ARHGAP15: variants seen among roughly 807,000 people sequenced by gnomAD.
ARHGAP15 encodes the protein rho GTPase-activating protein 15.
A neutral mutation model predicts 63.7 loss-of-function variants in ARHGAP15; 51 were observed. The observed-to-expected ratio is 0.80, with a 90% CI of 0.64 to 1.01. ARHGAP15 has a LOEUF of 1.01. Ranked by LOEUF, ARHGAP15 falls within the 50% of genes least tolerant of loss-of-function variation. The probability of loss-of-function intolerance (pLI) is 0.00; values close to 1 mark genes in which losing one functional copy is unlikely to be tolerated. For synonymous variants in ARHGAP15, 191 were observed against 193.8 expected, an observed-to-expected ratio of 0.99 and a Z score of 0.12; for missense variants, 560 against 564.6, an observed-to-expected ratio of 0.99 and a Z score of 0.08.
intron 6 of ARHGAP15, among the ~76,000 whole-genome samples, chr2:143,283,588 T>C (rs965018220): frequency 2.0e-5 from 3 of 152,226 alleles, no homozygotes; most frequent in Non-Finnish European, 4.4e-5. Flanking sequence ...AGAGCCCAGA[T>C]GGGCTTTGCA....
intron 2 of ARHGAP15, among the ~76,000 whole-genome samples, chr2:143,194,748 G>A (rs1404003376): frequency 6.6e-6 from 1 of 152,084 alleles, no homozygotes; most frequent in Non-Finnish European, 1.5e-5. Flanking sequence ...AAAAAACATA[G>A]GGGAAAGCTA....
intron 13 of ARHGAP15, among the ~76,000 whole-genome samples, chr2:143,717,472 G>A (rs1684858599): frequency 6.6e-6 from 1 of 152,166 alleles, no homozygotes; most frequent in African/African-American, 2.4e-5. Context: ...TGCCTGTCAA[G>A]CTCCTTTCCA....
chr2:143,701,593 T>G (rs1484374660), intron 12 of ARHGAP15, among the ~76,000 whole-genome samples: 1 of 152,116 alleles, frequency 6.6e-6, no homozygotes, highest in Non-Finnish European at 1.5e-5. Context: ...GAGCTGGGCA[T>G]GGTGGCATGC....
At chr2:143,163,899 C>A (rs551423395) in intron 2 of ARHGAP15, among the ~76,000 whole-genome samples, 1 of 152,036 alleles carries the variant, frequency 6.6e-6, no homozygotes, top group East Asian at 1.9e-4. Flanking sequence ...GAGAATCACA[C>A]AATTACTTTG....
chr2:143,614,249 C>G (rs567413232), intron 11 of ARHGAP15, among the ~76,000 whole-genome samples: 1 of 152,316 alleles, frequency 6.6e-6, no homozygotes, highest in Admixed American at 6.5e-5. Flanking sequence ...GTTCCCATAG[C>G]AGTCTGCAAG....
At chr2:143,357,700 T>C (rs2105328586) in intron 6 of ARHGAP15, among the ~76,000 whole-genome samples, 1 of 152,216 alleles carries the variant, frequency 6.6e-6, no homozygotes, top group South Asian at 2.1e-4. Flanking sequence ...TTGAGTATAG[T>C]AAAAATTAAT....
chr2:143,733,829 A>ACCTAAGATG (rs1685641799), intron 13 of ARHGAP15, among the ~76,000 whole-genome samples: 1 of 152,186 alleles, frequency 6.6e-6, no homozygotes, highest in Non-Finnish European at 1.5e-5. Context: ...TATGTACAAT[A>ACCTAAGATG]CCTAAGATGG....
At chr2:143,671,204 AATT>A (rs982955463) in intron 12 of ARHGAP15, among the ~76,000 whole-genome samples, 2 of 152,138 alleles carry the variant, frequency 1.3e-5, no homozygotes, top group African/African-American at 4.8e-5. Context: ...CCTTTTGCAA[AATT>A]ATTATTTTGA....
chr2:143,466,582 C>T (rs1016112929), intron 8 of ARHGAP15, among the ~76,000 whole-genome samples: 1 of 152,040 alleles, frequency 6.6e-6, no homozygotes, highest in African/African-American at 2.4e-5. Flanking sequence ...ATAAATCAAG[C>T]ATATTCAGGC....
At chr2:143,384,969 TTTC>T (rs1687216220) in intron 6 of ARHGAP15, among the ~76,000 whole-genome samples, 1 of 152,186 alleles carries the variant, frequency 6.6e-6, no homozygotes, top group African/African-American at 2.4e-5. Flanking sequence ...AGATACTTTG[TTTC>T]ATTCTACAAA....
intron 2 of ARHGAP15, among the ~76,000 whole-genome samples, chr2:143,189,174 G>A (rs920645357): frequency 6.6e-6 from 1 of 152,134 alleles, no homozygotes; most frequent in African/African-American, 2.4e-5. Flanking sequence ...AGTTTTAGAA[G>A]AGTCCAGTAC....
chr2:143,235,106 A>G (rs1354342503), intron 5 of ARHGAP15, among the ~76,000 whole-genome samples: 1 of 152,172 alleles, frequency 6.6e-6, no homozygotes, highest in East Asian at 1.9e-4. Flanking sequence ...AAGAATATGT[A>G]TTGAAATTCT....
Position 143,176,958 on chromosome 2 carries a change from G to A in ARHGAP15, c.165+21303G>A, listed in dbSNP as rs1174546878. On this transcript the variant is annotated intron_variant, in intron 2 of 13. Coordinates refer to ENST00000295095, the MANE Select transcript of ARHGAP15 (RefSeq NM_018460.4). Reference sequence around the variant, plus strand: ...CTCCTTCAGCTTCCTTATGGCATAGGGACTACGTTCCAGGAGCCAGTGTTC... The same window carrying A: ...CTCCTTCAGCTTCCTTATGGCATAGAGACTACGTTCCAGGAGCCAGTGTTC... Among the ~76,000 whole-genome samples, 4 of 152,202 alleles carry A rather than the reference G, an allele frequency of 2.6e-5. No individual in the cohort carries two copies. The South Asian group carries it at 8.3e-4, about 32-fold the overall frequency.
rs60607131 is a variant in ARHGAP15 at position 143,682,427 on chromosome 2, CTT to C, written c.1139-20990_1139-20989del. Among the ~76,000 whole-genome samples the C allele has an allele frequency of 1.6e-3, 242 of 152,042 alleles. 1 individual carries two copies. Among genetic ancestry groups the C allele is most frequent in the African/African-American group, 5.5e-3 (230 of 41,456 alleles). ...AATATAAAATCAGCAATGAATGTGA[CTT>C]TAAGAAATAGAATTGACTTTAAAAA... On this transcript the variant is annotated intron_variant, in intron 12 of 13. Coordinates refer to ENST00000295095, the MANE Select transcript of ARHGAP15 (RefSeq NM_018460.4).
At chr2:143,591,615 T>G (rs1474753246) in intron 11 of ARHGAP15, among the ~76,000 whole-genome samples, 2 of 6,570 alleles carry the variant, frequency 3.0e-4, no homozygotes, top group African/African-American at 8.1e-4. Flanking sequence ...TTGTTTGTTC[T>G]TTTTTTTTTT....
intron 1 of ARHGAP15, among the ~76,000 whole-genome samples, chr2:143,137,768 G>A (rs144179153): frequency 4.6e-5 from 7 of 152,166 alleles, no homozygotes; most frequent in South Asian, 4.1e-4. Context: ...AAGGTAGAAT[G>A]CTCAGGAAAT....
chr2:143,466,616 C>A (rs1039585511), intron 8 of ARHGAP15, among the ~76,000 whole-genome samples: 1 of 152,034 alleles, frequency 6.6e-6, no homozygotes, highest in Non-Finnish European at 1.5e-5. Context: ...TTGAGAGGAG[C>A]TATTCTCTGG....
At chr2:143,684,661 A>G (rs1219269631) in intron 12 of ARHGAP15, among the ~76,000 whole-genome samples, 1 of 152,210 alleles carries the variant, frequency 6.6e-6, no homozygotes, top group Non-Finnish European at 1.5e-5. Flanking sequence ...AGCTAATGTC[A>G]TGTAGTTAAA....
intron 6 of ARHGAP15, among the ~76,000 whole-genome samples, chr2:143,274,179 C>T (rs758131242): frequency 1.3e-5 from 2 of 152,102 alleles, no homozygotes; most frequent in South Asian, 2.1e-4. Flanking sequence ...TTTGCAGCTT[C>T]GAGGAAAAGT....
Sources: allele counts gnomAD v4.1 joint callset (sites outside exome capture counted in the v4.1 genomes callset), GRCh38; gene constraint gnomAD v4.1.1; transcripts MANE v1.5; gene names NCBI Gene and HGNC (gene_info 2026-07-23, HGNC 2026-07-21).